The following ZMYND11 variants were observed in gnomAD, a reference collection of about 807,000 sequenced individuals.
ZMYND11 encodes the protein zinc finger MYND domain-containing protein 11.
A neutral mutation model predicts 84.9 loss-of-function variants in ZMYND11; 9 were observed. The observed-to-expected ratio is 0.11, with a 90% CI of 0.06 to 0.18. ZMYND11 has a LOEUF of 0.18. Among genes scored for constraint, ZMYND11 ranks in the 10% least tolerant of loss-of-function variants. The pLI is 1.00. For missense variants in ZMYND11, 409 were observed against 761.0 expected, an observed-to-expected ratio of 0.54 and a Z score of 5.44; for synonymous variants, 250 against 244.1, an observed-to-expected ratio of 1.02 and a Z score of -0.23.
chr10:206,489 G>A (rs1408802217), intron 2 of ZMYND11, among the ~76,000 whole-genome samples: 1 of 152,146 alleles, frequency 6.6e-6, no homozygotes, highest in Non-Finnish European at 1.5e-5. Context: ...TTATATTTCT[G>A]TCAGTATTTC....
rs181276911 is a variant in ZMYND11 at position 222,582 on chromosome 10, G to A, written c.438+1226G>A. ...TCTAAGTTTCACAATTTGGAGCAAA[G>A]GAGCTGTATTAATATTCATATTTTA... On this transcript the variant is annotated intron_variant, in intron 4 of 14. Transcript: ENST00000381604. Among the ~76,000 whole-genome samples the A allele has an allele frequency of 2.6e-3, 391 of 152,214 alleles. 3 individuals are homozygous for A. The highest frequency in any genetic ancestry group is 9.0e-3 in the African/African-American group (375 of 41,534).
At chr10:146,913 C>T (rs1176895604) in intron 1 of ZMYND11, among the ~76,000 whole-genome samples, 2 of 152,260 alleles carry the variant, frequency 1.3e-5, no homozygotes, top group African/African-American at 4.8e-5. Context: ...TTTGCTCCTC[C>T]TTTGGCTTCT....
rs150918725 is a variant in ZMYND11, at chr10:153,850, C to A, written c.-20+18291C>A. Among the ~76,000 whole-genome samples the A allele has an allele frequency of 3.5e-3, 534 of 152,280 alleles. 17 individuals carry two copies. Among genetic ancestry groups the A allele is most frequent in the Admixed American group, 0.033 (506 of 15,292 alleles). ...TCCACATAACCCATTCCCTGTGTAACCTTTAGCAAATATTAAAAAATTTCT... is the reference window on the plus strand; with the variant it reads ...TCCACATAACCCATTCCCTGTGTAAACTTTAGCAAATATTAAAAAATTTCT... On this transcript the variant is annotated intron_variant, in intron 1 of 14. Coordinates refer to ENST00000381604, the MANE Select transcript of ZMYND11 (RefSeq NM_001370100.5).
chr10:156,403 T>G lies in ZMYND11; in HGVS notation c.-20+20844T>G, dbSNP rs565399403. 2.4e-3 allele frequency among the ~76,000 whole-genome samples: 369 copies of G among 152,328 alleles called. 1 individual carries two copies. The highest frequency in any genetic ancestry group is 4.0e-3 in the Non-Finnish European group (271 of 68,026). On this transcript the variant is annotated intron_variant, in intron 1 of 14. Transcript: ENST00000381604. Reference sequence around the variant, plus strand: ...CACATCTTAAGAAAATTTTTAATGCTTAAATCACTTACTTGGAAAAATTAT... The same window carrying G: ...CACATCTTAAGAAAATTTTTAATGCGTAAATCACTTACTTGGAAAAATTAT...
In ZMYND11 at chr10:252,083, C is replaced by A. The variant is rs1159894697; in HGVS notation, c.1687-265C>A. Among the ~76,000 whole-genome samples, 1 of 152,046 alleles carries A rather than the reference C, an allele frequency of 6.6e-6. No homozygotes were observed. Among genetic ancestry groups the A allele is most frequent in the African/African-American group, 2.4e-5 (1 of 41,380 alleles). ...GTCAAGAGCATTTTAAGAAAAGAAA[C>A]GGGAATGACTCTCACAGAGATGGAA... On this transcript the variant is annotated intron_variant, in intron 14 of 14. Transcript: ENST00000381604. The surrounding 1 kb of genome is among the most constrained non-coding windows in gnomAD (Gnocchi z 4.6).
At chr10:241,594 C>G (rs112711098) in intron 9 of ZMYND11, among the ~76,000 whole-genome samples, 2 of 152,228 alleles carry the variant, frequency 1.3e-5, no homozygotes, top group African/African-American at 2.4e-5. Context: ...AGCTTCAAAC[C>G]GTGCACTGAC....
chr10:136,651 T>G (rs1335644605), intron 1 of ZMYND11, among the ~76,000 whole-genome samples: 2 of 152,088 alleles, frequency 1.3e-5, no homozygotes, highest in Admixed American at 6.5e-5. Flanking sequence ...AGTATCTGGA[T>G]AGTATTGAAT....
chr10:134,697 G>A (rs1554751170), upstream of ZMYND11: 1 of 152,244 alleles, frequency 6.6e-6, no homozygotes, highest in Non-Finnish European at 1.5e-5. Flanking sequence ...CAGGCACCGG[G>A]TCCACCCGGG....
chr10:207,562 T>C (rs1345478259), intron 2 of ZMYND11, among the ~76,000 whole-genome samples: 1 of 152,176 alleles, frequency 6.6e-6, no homozygotes, highest in Non-Finnish European at 1.5e-5. Context: ...CTCATTGTGG[T>C]TTTGATTGGC....
chr10:202,750 G>C (rs753916624), intron 2 of ZMYND11, among the ~76,000 whole-genome samples: 8 of 152,132 alleles, frequency 5.3e-5, no homozygotes, highest in Non-Finnish European at 8.8e-5. Context: ...ACCAAAGATA[G>C]AGAACGAAAT....
intron 1 of ZMYND11, among the ~76,000 whole-genome samples, chr10:159,938 T>C (rs1842599783): frequency 6.6e-6 from 1 of 152,168 alleles, no homozygotes; most frequent in Non-Finnish European, 1.5e-5. Flanking sequence ...ATAGAAGATG[T>C]TTTACCTCTT....
intron 3 of ZMYND11, chr10:218,528 A>C: frequency 5.9e-6 from 2 of 336,840 alleles, no homozygotes; most frequent in South Asian, 5.2e-5. Flanking sequence ...ATGTTATTTT[A>C]CTATAATTCT....
At chr10:188,385 C>T (rs1442663553) in intron 2 of ZMYND11, among the ~76,000 whole-genome samples, 1 of 150,488 alleles carries the variant, frequency 6.6e-6, no homozygotes, top group East Asian at 2.0e-4. Context: ...TCAGGAGCTT[C>T]AAAACCAGCC....
intron 1 of ZMYND11, among the ~76,000 whole-genome samples, chr10:145,696 C>A (rs2131226250): frequency 6.6e-6 from 1 of 152,110 alleles, no homozygotes; most frequent in Non-Finnish European, 1.5e-5. Flanking sequence ...GTATATCTTT[C>A]TTTGAGAAGT....
Position 245,405 on chromosome 10 carries a change from C to G in ZMYND11, c.951-1361C>G, listed in dbSNP as rs1208246457. ...GTGGCCATGATTCCCTAAGAGATTCCTTCCAACAGTCATAGGCCCAGGATT... is the reference window on the plus strand; with the variant it reads ...GTGGCCATGATTCCCTAAGAGATTCGTTCCAACAGTCATAGGCCCAGGATT... On this transcript the variant is annotated intron_variant, in intron 10 of 14. Coordinates refer to ENST00000381604, the MANE Select transcript of ZMYND11 (RefSeq NM_001370100.5). Among the ~76,000 whole-genome samples the G allele has an allele frequency of 2.0e-5, 3 of 152,256 alleles. No homozygotes were observed. The East Asian group carries it at 5.8e-4, about 29-fold the overall frequency.
intron 13 of ZMYND11, 82 bp downstream of exon 13, chr10:248,690 C>A: frequency 1.4e-6 from 2 of 1,479,802 alleles, no homozygotes; most frequent in Non-Finnish European, 1.8e-6. Flanking sequence ...ATGCATCAAC[C>A]CAGTAGCAGC....
At chr10:227,825 TGTAA>T (rs1484853219) in intron 4 of ZMYND11, among the ~76,000 whole-genome samples, 4 of 152,192 alleles carry the variant, frequency 2.6e-5, no homozygotes, top group Non-Finnish European at 4.4e-5. Flanking sequence ...TCACCCCAAA[TGTAA>T]GTACTTTTAC....
chr10:197,942 T>C (rs1158196787), intron 2 of ZMYND11: 6 of 652,844 alleles, frequency 9.2e-6, no homozygotes, highest in Admixed American at 4.6e-5. Context: ...CTTGAACCTA[T>C]GGTGATTTTT....
intron 8 of ZMYND11, 122 bp from the exon 9 acceptor site, chr10:240,764 TTAAAAGA>T: frequency 1.4e-6 from 1 of 737,016 alleles, no homozygotes; most frequent in Non-Finnish European, 2.1e-6. Context: ...AAATTTAGGC[TTAAAAGA>T]TTAAGAAACA....
Sources: gnomAD v4.1 joint callset for allele counts (sites outside exome capture counted in the v4.1 genomes callset) on GRCh38, gnomAD v4.1.1 for gene constraint, Gnocchi (gnomAD v3.1) non-coding constraint, MANE v1.5 for transcripts, NCBI Gene and HGNC (gene_info 2026-07-23, HGNC 2026-07-21) for gene names.